Variants in LINGO2 observed in about 807,000 individuals in gnomAD.
LINGO2 encodes leucine rich repeat and Ig domain containing 2.
LINGO2 carries 14 observed loss-of-function variants against 30.6 expected under a neutral mutation model. That is an observed-to-expected ratio of 0.46 (90% CI 0.30 to 0.72). The LOEUF (loss-of-function observed/expected upper bound fraction) is 0.72, where lower values mean the gene tolerates loss of function less well. Among genes scored for constraint, LINGO2 ranks in the 30% least tolerant of loss-of-function variants. The pLI, the probability that LINGO2 is intolerant of heterozygous loss-of-function variation, is 0.07. For missense variants in LINGO2, 729 were observed against 751.7 expected (o/e 0.97, Z 0.35); for synonymous variants, 317 against 288.5 (o/e 1.10, Z -1.00).
intron 2 of LINGO2, among the ~76,000 whole-genome samples, chr9:28,438,897 T>C (rs7466228): frequency 3.3e-5 from 4 of 121,994 alleles, no homozygotes; most frequent in East Asian, 2.5e-4. Context: ...ATATATATAT[T>C]TATACATTAT....
chr9:27,970,459 A>C (rs1820300624), intron 5 of LINGO2, among the ~76,000 whole-genome samples: 1 of 151,934 alleles, frequency 6.6e-6, no homozygotes, highest in Admixed American at 6.5e-5. Context: ...TCTAAAATCA[A>C]GTAAGAGGTT....
intron 4 of LINGO2, among the ~76,000 whole-genome samples, chr9:28,039,316 G>T (rs1345325540): frequency 6.6e-6 from 1 of 152,204 alleles, no homozygotes; most frequent in African/African-American, 2.4e-5. Context: ...ATTTTAAAAA[G>T]CTTAAGAAGT....
chr9:28,805,428 T>G, the LINGO2 span, among the ~76,000 whole-genome samples: 2 of 152,128 alleles, frequency 1.3e-5, no homozygotes, highest in Admixed American at 1.3e-4. Flanking sequence ...CAAAAATATA[T>G]CTACCACATG....
chr9:28,851,249 T>G, the LINGO2 span, among the ~76,000 whole-genome samples: 1 of 152,064 alleles, frequency 6.6e-6, no homozygotes, highest in Admixed American at 6.6e-5. Context: ...CTGGAAGCTC[T>G]AGAAAGAAGA....
At chr9:28,039,506 GGT>G (rs144564189) in intron 4 of LINGO2, among the ~76,000 whole-genome samples, 11 of 151,626 alleles carry the variant, frequency 7.3e-5, no homozygotes, top group African/African-American at 1.2e-4. Flanking sequence ...GAGTGTAACA[GGT>G]GTGTGTGTGT....
chr9:29,174,894 A>G, the LINGO2 span, among the ~76,000 whole-genome samples: 2 of 152,322 alleles, frequency 1.3e-5, no homozygotes, highest in East Asian at 3.9e-4. Flanking sequence ...TCAGTGTAGT[A>G]GTTATGGAAT....
At chr9:28,408,610 C>T (rs1822609826) in intron 2 of LINGO2, among the ~76,000 whole-genome samples, 1 of 140,018 alleles carries the variant, frequency 7.1e-6, no homozygotes, top group Admixed American at 7.3e-5. Context: ...TCACACACCA[C>T]GGACTGTTGT....
chr9:28,456,385 T>C (rs1466397973), intron 2 of LINGO2, among the ~76,000 whole-genome samples: 2 of 152,192 alleles, frequency 1.3e-5, no homozygotes, highest in African/African-American at 2.4e-5. Flanking sequence ...TTTTCTCCAT[T>C]CTCTCTATGT....
chr9:28,714,196 TACACACACACAC>T, the LINGO2 span, among the ~76,000 whole-genome samples: 38 of 135,698 alleles, frequency 2.8e-4, no homozygotes, highest in East Asian at 4.5e-4. Context: ...TATACACACA[TACACACACACAC>T]ATACGCACAT....
chr9:28,994,836 A>G, the LINGO2 span, among the ~76,000 whole-genome samples: 1 of 152,210 alleles, frequency 6.6e-6, no homozygotes, highest in Non-Finnish European at 1.5e-5. Flanking sequence ...CTGAAACTGG[A>G]TCCCTTCCTT....
the LINGO2 span, among the ~76,000 whole-genome samples, chr9:28,924,143 C>T: frequency 6.6e-6 from 1 of 152,188 alleles, no homozygotes; most frequent in African/African-American, 2.4e-5. Flanking sequence ...ACTTTAACTC[C>T]CCTGGTTTCT....
the LINGO2 span, among the ~76,000 whole-genome samples, chr9:28,720,830 G>A: frequency 6.6e-6 from 1 of 151,898 alleles, no homozygotes; most frequent in Non-Finnish European, 1.5e-5. Flanking sequence ...AAAATAATAA[G>A]CACAGGTTTT....
chr9:29,030,056 T>C, the LINGO2 span, among the ~76,000 whole-genome samples: 1 of 151,984 alleles, frequency 6.6e-6, no homozygotes, highest in Non-Finnish European at 1.5e-5. Context: ...TGTGTTATCT[T>C]TCAGGAAAAA....
the LINGO2 span, among the ~76,000 whole-genome samples, chr9:29,059,099 T>C: frequency 1.3e-5 from 2 of 151,920 alleles, no homozygotes; most frequent in African/African-American, 2.4e-5. Context: ...GAGAGATTTA[T>C]ATGCTAAAGA....
intron 2 of LINGO2, among the ~76,000 whole-genome samples, chr9:28,467,960 A>C (rs554073459): frequency 6.6e-6 from 1 of 152,326 alleles, no homozygotes; most frequent in East Asian, 1.9e-4. Flanking sequence ...AATATACAAT[A>C]TTGTATTACA....
chr9:29,195,171 G>A, the LINGO2 span, among the ~76,000 whole-genome samples: 1 of 152,042 alleles, frequency 6.6e-6, no homozygotes, highest in Non-Finnish European at 1.5e-5. Context: ...TAATTCCCTG[G>A]AGGTTCCTAT....
At chr9:28,427,863 C>T (rs968803666) in intron 2 of LINGO2, among the ~76,000 whole-genome samples, 5 of 152,118 alleles carry the variant, frequency 3.3e-5, no homozygotes, top group Non-Finnish European at 5.9e-5. Flanking sequence ...ATATAGAGCT[C>T]GGCATAACTG....
At chr9:28,615,341 T>A (rs2135801645) in intron 1 of LINGO2, among the ~76,000 whole-genome samples, 1 of 152,294 alleles carries the variant, frequency 6.6e-6, no homozygotes, top group African/African-American at 2.4e-5. Context: ...TATAAACGCC[T>A]ACGCAAGTCC....
chr9:28,122,984 TC>T (rs1399287208), intron 4 of LINGO2, among the ~76,000 whole-genome samples: 2 of 152,242 alleles, frequency 1.3e-5, no homozygotes, highest in Non-Finnish European at 2.9e-5. Flanking sequence ...CTTTTCTATT[TC>T]TTTTATGTTT....
Sources: gnomAD v4.1 joint callset for allele counts (sites outside exome capture counted in the v4.1 genomes callset) on GRCh38, gnomAD v4.1.1 for gene constraint, MANE v1.5 for transcripts, NCBI Gene and HGNC (gene_info 2026-07-23, HGNC 2026-07-21) for gene names.